The following SMAD3 variants were observed in gnomAD, a reference collection of about 807,000 sequenced individuals.
The protein encoded by SMAD3 is SMAD family member 3.
In SMAD3, 12 loss-of-function variants were observed where a neutral mutation model predicts 51.8. That is an observed-to-expected ratio of 0.23 (90% confidence interval 0.15 to 0.38). The LOEUF (loss-of-function observed/expected upper bound fraction) is 0.38. Ranked by LOEUF, SMAD3 falls within the 10% of genes least tolerant of loss-of-function variation. The pLI is 1.00. For synonymous variants in SMAD3, 238 were observed against 227.7 expected, an observed-to-expected ratio of 1.05 and a Z score of -0.41; for missense variants, 294 against 565.6, an observed-to-expected ratio of 0.52 and a Z score of 4.87.
intron 1 of SMAD3, among the ~76,000 whole-genome samples, chr15:67,120,098 A>G (rs1961225549): frequency 6.6e-6 from 1 of 152,202 alleles, no homozygotes; most frequent in Non-Finnish European, 1.5e-5. Context: ...TCCCTGGCCA[A>G]GACTCTGGGT....
In SMAD3 at chr15:67,116,324, GAT is replaced by G. The variant is rs1961134365; in HGVS notation, c.207-48567_207-48566del. On this transcript the variant is annotated intron_variant, in intron 1 of 8. Coordinates refer to ENST00000327367, the MANE Select transcript of SMAD3 (RefSeq NM_005902.4). ...TGCCTAGCACACAGTGGACAAAAGG[GAT>G]ATACTGGACACGTTGTCCTAGGATG... 2.0e-5 allele frequency among the ~76,000 whole-genome samples: 3 copies of G among 152,320 alleles called. No individual in the cohort carries two copies. The South Asian group carries it at 6.2e-4, about 32-fold the overall frequency.
chr15:67,170,719 C>T lies in SMAD3; in HGVS notation c.658+115C>T, dbSNP rs770097262. On this transcript the variant is annotated intron_variant, in intron 5 of 8. Coordinates refer to ENST00000327367, the MANE Select transcript of SMAD3 (RefSeq NM_005902.4). ...GCTCTCCCCCGACCCCTACCATCAG[C>T]CCAGCTCAGCCCATCAGGTTTCTGG... 1.4e-5 allele frequency: 12 copies of T among 835,940 alleles called. 1 individual carries two copies. In the South Asian group the frequency reaches 1.7e-4, roughly 12 times the overall value. 51.8% of individuals were successfully genotyped at this position (835,940 alleles called of 1,614,324 possible).
rs556976181 is a variant in SMAD3, at chr15:67,133,901, G to A, written c.207-30994G>A. ...ACATAGCCAGGAAGGTCAGAACCAG[G>A]ACCAGAGCTCTGCTTCTGACTCCCT... On this transcript the variant is annotated intron_variant, in intron 1 of 8. Coordinates refer to ENST00000327367, the MANE Select transcript of SMAD3 (RefSeq NM_005902.4). 9.9e-5 allele frequency among the ~76,000 whole-genome samples: 15 copies of A among 152,192 alleles called. 1 individual carries two copies. Among genetic ancestry groups the A allele is most frequent in the African/African-American group, 3.6e-4 (15 of 41,522 alleles).
chr15:67,189,938 T>TA (rs1470048100), intron 8 of SMAD3, among the ~76,000 whole-genome samples: 5 of 151,888 alleles, frequency 3.3e-5, no homozygotes, highest in African/African-American at 4.8e-5. Context: ...TGGCGCTTTG[T>TA]AAAAAACACC....
chr15:67,139,405 T>C (rs1310513182), intron 1 of SMAD3, among the ~76,000 whole-genome samples: 2 of 152,216 alleles, frequency 1.3e-5, no homozygotes, highest in Non-Finnish European at 2.9e-5. Flanking sequence ...GGGAGCATTC[T>C]CTACCCCTCC....
chr15:67,158,442 A>G (rs547999844), intron 1 of SMAD3, among the ~76,000 whole-genome samples: 95 of 152,376 alleles, frequency 6.2e-4, no homozygotes, highest in African/African-American at 2.3e-3. Context: ...TGGGAATTGC[A>G]TGGCACAGAG....
intron 1 of SMAD3, 36 bp from the exon 2 acceptor site, chr15:67,164,859 A>G (rs200971625): frequency 5.0e-6 from 8 of 1,609,262 alleles, no homozygotes; most frequent in Non-Finnish European, 6.8e-6. Context: ...CACAATCCAC[A>G]TTTCCCTCTC....
chr15:67,113,262 T>G lies in SMAD3; in HGVS notation c.206+46902T>G, dbSNP rs895429872. ...CCACCACGCCCGGCCAATTTTTTTT[T>G]TGTATTTTTAGTAGAGACGAGGTTT... On this transcript the variant is annotated intron_variant, in intron 1 of 8. Coordinates refer to ENST00000327367, the MANE Select transcript of SMAD3 (RefSeq NM_005902.4). Among the ~76,000 whole-genome samples the G allele has an allele frequency of 2.1e-4, 29 of 137,336 alleles. 7 individuals carry two copies. The highest frequency in any genetic ancestry group is 7.1e-4 in the African/African-American group (25 of 35,290). The allele number at this position is 137,336 out of a possible 152,430, so 90.1% of individuals were successfully genotyped here. A position where few individuals can be genotyped will look rare whatever the true frequency, so the allele number is the denominator to read the frequency against.
Position 67,114,183 on chromosome 15 carries a change from C to G in SMAD3, c.206+47823C>G, listed in dbSNP as rs553686658. Among the ~76,000 whole-genome samples, 6 of 152,260 alleles carry G rather than the reference C, an allele frequency of 3.9e-5. No individual in the cohort carries two copies. The East Asian group carries it at 1.2e-3, about 29-fold the overall frequency. ...GCAGCATTGCTTCACTCATGTGGAA[C>G]CCACCCGCCTTCCCACCTCCTCAGC... On this transcript the variant is annotated intron_variant, in intron 1 of 8. Coordinates refer to ENST00000327367, the MANE Select transcript of SMAD3 (RefSeq NM_005902.4).
chr15:67,194,896 T>C lies in SMAD3; in HGVS notation c.*4360T>C, dbSNP rs1963463046. 4.3e-6 allele frequency: 1 copy of C among 233,584 alleles called. No homozygotes were observed. Among genetic ancestry groups the C allele is most frequent in the Admixed American group, 5.6e-5 (1 of 17,776 alleles). The allele number at this position is 233,584 out of a possible 1,614,324, so 14.5% of individuals were successfully genotyped here. A position where few individuals can be genotyped will look rare whatever the true frequency, so the allele number is the denominator to read the frequency against. ...CCTTCACTCACCTTCACTGCTGCTG[T>C]TGCAACTCGGCTGTTCTGGACTCTG... is the stretch of plus-strand genomic sequence containing the variant. On this transcript the variant is annotated 3_prime_UTR_variant, in exon 9 of 9. Transcript: ENST00000327367.
chr15:67,180,612 C>G (rs1595955917), intron 5 of SMAD3, among the ~76,000 whole-genome samples: 1 of 151,214 alleles, frequency 6.6e-6, no homozygotes, highest in East Asian at 1.9e-4. Context: ...GCAGATGATG[C>G]CTGGTGTGTC....
intron 1 of SMAD3, among the ~76,000 whole-genome samples, chr15:67,148,509 T>C (rs1962040016): frequency 6.6e-6 from 1 of 152,270 alleles, no homozygotes; most frequent in South Asian, 2.1e-4. Flanking sequence ...CTCCCTGGTA[T>C]GGCAAGTGGG....
In SMAD3 at chr15:67,138,049, A is replaced by C. The variant is rs1263592351; in HGVS notation, c.207-26846A>C. Reference sequence around the variant, plus strand: ...AACATGTCTTGCCTGCACCCTAGGCAAACGTGGAAAGGCGCAGCTCTGGTA... The same window carrying C: ...AACATGTCTTGCCTGCACCCTAGGCCAACGTGGAAAGGCGCAGCTCTGGTA... On this transcript the variant is annotated intron_variant, in intron 1 of 8. Coordinates refer to ENST00000327367, the MANE Select transcript of SMAD3 (RefSeq NM_005902.4). The C allele has an allele frequency of 6.4e-7, 1 of 1,551,340 alleles. No homozygotes were observed. Among genetic ancestry groups the C allele is most frequent in the East Asian group, 2.4e-5 (1 of 41,056 alleles).
At chr15:67,155,023 T>C (rs758334191) in intron 1 of SMAD3, among the ~76,000 whole-genome samples, 1 of 152,232 alleles carries the variant, frequency 6.6e-6, no homozygotes, top group Admixed American at 6.5e-5. Flanking sequence ...CTTCTCACAC[T>C]GCAGTAATTT....
chr15:67,098,660 C>T (rs1474400016), intron 1 of SMAD3: 1 of 547,288 alleles, frequency 1.8e-6, no homozygotes, highest in Non-Finnish European at 3.3e-6. Flanking sequence ...TTTCTCCTGC[C>T]ACAGTGAGCT....
At chr15:67,111,993 G>A (rs1210172603) in intron 1 of SMAD3, among the ~76,000 whole-genome samples, 2 of 151,804 alleles carry the variant, frequency 1.3e-5, no homozygotes, top group African/African-American at 4.8e-5. Flanking sequence ...TCACCATGAT[G>A]GCCAGGTTGG....
At chr15:67,127,274 C>G (rs12442452) in intron 1 of SMAD3, among the ~76,000 whole-genome samples, 41,419 of 152,106 alleles carry the variant, frequency 0.27, 6,383 homozygotes, top group Middle Eastern at 0.37. Flanking sequence ...GTTTTTCTGT[C>G]TCCTCCCTCT....
chr15:67,137,469 T>A (rs1961695255), intron 1 of SMAD3, among the ~76,000 whole-genome samples: 2 of 152,258 alleles, frequency 1.3e-5, no homozygotes, highest in South Asian at 4.1e-4. Context: ...TCATGTTAGC[T>A]TCTGCCATTC....
chr15:67,170,559 C>T lies in SMAD3; in HGVS notation c.613C>T (p.Pro205Ser), dbSNP rs150682850. ...QMNHSMDAGSPNLSPNPMSPA... is the reference protein window; with the variant it reads ...QMNHSMDAGSSNLSPNPMSPA... ...CAACTTGTCTCACCTCGCAGGTTCT[C>T]CAAACCTATCCCCGAATCCGATGTC... The change falls in exon 5 of 9, where the codon CCA becomes TCA. Residue 205 changes from proline to serine, a missense_variant. Pro to Ser is a moderately conservative substitution (Grantham distance 74). Transcript: ENST00000327367. The T allele has an allele frequency of 2.5e-6, 4 of 1,613,808 alleles. No homozygotes were observed. The African/African-American group carries it at 5.3e-5, about 22-fold the overall frequency.
Sources: gnomAD v4.1 joint callset for allele counts (sites outside exome capture counted in the v4.1 genomes callset) on GRCh38, gnomAD v4.1.1 for gene constraint, MANE v1.5 for transcripts, NCBI Gene and HGNC (gene_info 2026-07-23, HGNC 2026-07-21) for gene names.